VEPH1: variants seen among roughly 807,000 people sequenced by gnomAD.
The protein encoded by VEPH1 is ventricular zone-expressed PH domain-containing protein homolog 1.
In VEPH1, 80 loss-of-function variants were observed where a neutral mutation model predicts 85.2. The ratio of observed to expected loss-of-function variants is 0.94; its 90% CI spans 0.78 to 1.13. The LOEUF (loss-of-function observed/expected upper bound fraction) is 1.13. VEPH1 is among the 50% of genes most tolerant of loss of function. The probability of loss-of-function intolerance (pLI) is 0.00; values close to 1 mark genes in which losing one functional copy is unlikely to be tolerated. For missense variants in VEPH1, 955 were observed against 980.5 expected, an observed-to-expected ratio of 0.97 and a Z score of 0.35; for synonymous variants, 297 against 348.0, an observed-to-expected ratio of 0.85 and a Z score of 1.63.
chr3:157,437,665 C>T (rs772664941), intron 4 of VEPH1: 1 of 1,540,506 alleles, frequency 6.5e-7, no homozygotes, highest in Non-Finnish European at 8.7e-7. Flanking sequence ...GCTGGGCCGG[C>T]TCGCGGAAAG....
chr3:157,501,697 A>G (rs954025866), intron 1 of VEPH1, among the ~76,000 whole-genome samples: 2 of 152,222 alleles, frequency 1.3e-5, no homozygotes, highest in Non-Finnish European at 2.9e-5. Context: ...TTCAATCACC[A>G]TAATTAACTC....
At chr3:157,449,024 G>A (rs1170812534) in intron 4 of VEPH1, among the ~76,000 whole-genome samples, 1 of 152,100 alleles carries the variant, frequency 6.6e-6, no homozygotes, top group Admixed American at 6.6e-5. Context: ...TGTAAGAAGT[G>A]CCTTTCACCT....
chr3:157,418,728 G>C (rs1203086553), intron 5 of VEPH1, among the ~76,000 whole-genome samples: 5 of 152,094 alleles, frequency 3.3e-5, no homozygotes, highest in Admixed American at 2.6e-4. Context: ...TAGATAGAAA[G>C]AATCAGTATT....
In VEPH1 at chr3:157,294,918, G is replaced by A. The variant is rs540559511; in HGVS notation, c.2011-8244C>T. 2.3e-4 allele frequency among the ~76,000 whole-genome samples: 35 copies of A among 152,296 alleles called. 1 individual carries two copies. The highest frequency in any genetic ancestry group is 8.4e-4 in the African/African-American group (35 of 41,562). ...TGAGACCCAGGATATAGGAGCTTGGGTTGTCAAGCTGGAGACATTAGTCTT... is the reference window on the plus strand; with the variant it reads ...TGAGACCCAGGATATAGGAGCTTGGATTGTCAAGCTGGAGACATTAGTCTT... On this transcript the variant is annotated intron_variant, in intron 11 of 13. Transcript: ENST00000362010.
chr3:157,447,316 C>T lies in VEPH1; in HGVS notation c.529+12865G>A, dbSNP rs79152030. Among the ~76,000 whole-genome samples, 1,204 of 152,220 alleles carry T rather than the reference C, an allele frequency of 7.9e-3. 19 individuals carry two copies. The highest frequency in any genetic ancestry group is 0.027 in the African/African-American group (1,139 of 41,492). ...TTAGAAGTCTTTTCCTGTTTTAAGA[C>T]GTCTCTATTCCTTGATCCATATGTG... On this transcript the variant is annotated intron_variant, in intron 4 of 13. Transcript: ENST00000362010.
chr3:157,390,222 G>A (rs1282121789), intron 6 of VEPH1, among the ~76,000 whole-genome samples: 1 of 152,270 alleles, frequency 6.6e-6, no homozygotes, highest in South Asian at 2.1e-4. Context: ...AAAAAAGTTT[G>A]AACAATGTAA....
At chr3:157,369,201 A>G (rs955254084) in intron 7 of VEPH1, among the ~76,000 whole-genome samples, 1 of 147,410 alleles carries the variant, frequency 6.8e-6, no homozygotes, top group Non-Finnish European at 1.5e-5. Context: ...AAAAAAAAAA[A>G]AAACCTCCTG....
intron 12 of VEPH1, among the ~76,000 whole-genome samples, chr3:157,271,611 G>C (rs962177891): frequency 1.3e-5 from 2 of 152,086 alleles, no homozygotes; most frequent in Non-Finnish European, 2.9e-5. Context: ...TCCAAGCAGG[G>C]AGGCAGCCAG....
At chr3:157,374,343 T>C (rs1727850235) in intron 7 of VEPH1, among the ~76,000 whole-genome samples, 1 of 152,354 alleles carries the variant, frequency 6.6e-6, no homozygotes, top group South Asian at 2.1e-4. Context: ...GGCAAAATTA[T>C]AGTCAGCTTT....
intron 10 of VEPH1, among the ~76,000 whole-genome samples, chr3:157,316,776 G>C (rs560921509): frequency 8.5e-5 from 13 of 152,150 alleles, no homozygotes; most frequent in African/African-American, 3.1e-4. Context: ...CAAATACGCT[G>C]TTTTTGCTGT....
chr3:157,266,874 C>T (rs2108258878), intron 12 of VEPH1, among the ~76,000 whole-genome samples: 1 of 152,228 alleles, frequency 6.6e-6, no homozygotes. Context: ...CTTCAATTTT[C>T]ATAGCACCTT....
rs370032455 is a variant in VEPH1, at chr3:157,501,509, A to G, written c.-158+1768T>C. On this transcript the variant is annotated intron_variant, in intron 1 of 13. Transcript: ENST00000362010. ...GGAGTGGCCCTCCAGGGCTCCAGCT[A>G]CTTTCTTTACTACTTTTCAAGGTGA... Among the ~76,000 whole-genome samples the G allele has an allele frequency of 4.6e-5, 7 of 152,244 alleles. No homozygotes were observed. The East Asian group carries it at 1.2e-3, about 25-fold the overall frequency.
At chr3:157,332,647 T>A (rs904079556) in intron 9 of VEPH1, among the ~76,000 whole-genome samples, 6 of 152,224 alleles carry the variant, frequency 3.9e-5, no homozygotes, top group African/African-American at 1.4e-4. Flanking sequence ...CATTCATTCA[T>A]GGACAATTGA....
chr3:157,458,116 T>C (rs141877133), intron 4 of VEPH1, among the ~76,000 whole-genome samples: 3 of 152,360 alleles, frequency 2.0e-5, no homozygotes, highest in Admixed American at 1.3e-4. Context: ...CAGGAATTTA[T>C]TAGTTTCCTC....
intron 7 of VEPH1, among the ~76,000 whole-genome samples, chr3:157,378,934 C>A (rs929265412): frequency 6.6e-6 from 1 of 152,214 alleles, no homozygotes; most frequent in Non-Finnish European, 1.5e-5. Flanking sequence ...TCTGCCCTGA[C>A]TTCTTAGGCT....
chr3:157,471,568 G>A (rs984256567), intron 2 of VEPH1, among the ~76,000 whole-genome samples: 1 of 152,184 alleles, frequency 6.6e-6, no homozygotes, highest in Admixed American at 6.5e-5. Context: ...TGATTAGTGA[G>A]AAACAGTATC....
At chr3:157,426,144 G>T (rs945337103) in intron 5 of VEPH1, among the ~76,000 whole-genome samples, 1 of 152,016 alleles carries the variant, frequency 6.6e-6, no homozygotes, top group South Asian at 2.1e-4. Flanking sequence ...CCCAGTCTTG[G>T]GTATATCTTT....
intron 13 of VEPH1, 120 bp downstream of exon 13, chr3:157,265,406 T>C (rs1713491734): frequency 8.9e-7 from 1 of 1,122,108 alleles, no homozygotes; most frequent in African/African-American, 1.6e-5. Flanking sequence ...AACAATGCTG[T>C]AAGATGGTGA....
chr3:157,277,010 C>T (rs571908459), intron 12 of VEPH1, among the ~76,000 whole-genome samples: 2 of 152,132 alleles, frequency 1.3e-5, no homozygotes, highest in South Asian at 4.1e-4. Flanking sequence ...TCTCTCATCT[C>T]AGCCCTGCAA....
Sources: gnomAD v4.1 joint callset for allele counts (sites outside exome capture counted in the v4.1 genomes callset) on GRCh38, gnomAD v4.1.1 for gene constraint, MANE v1.5 for transcripts, NCBI Gene and HGNC (gene_info 2026-07-23, HGNC 2026-07-21) for gene names.